KLF15: variants seen among roughly 807,000 people sequenced by gnomAD.
The protein encoded by KLF15 is KLF transcription factor 15, also known as Krueppel-like factor 15.
In KLF15, 4 loss-of-function variants were observed where a neutral mutation model predicts 24.6. That is an observed-to-expected ratio of 0.16 (90% CI 0.08 to 0.37). The LOEUF is 0.37. Among genes scored for constraint, KLF15 ranks in the 10% least tolerant of loss-of-function variants. KLF15 has a pLI of 1.00. For missense variants in KLF15, 496 were observed against 560.6 expected (o/e 0.88, Z 1.16); for synonymous variants, 246 against 236.3 (o/e 1.04, Z -0.37).
chr3:126,339,995 A>G (rs1187204862), downstream of KLF15, among the ~76,000 whole-genome samples: 1 of 152,118 alleles, frequency 6.6e-6, no homozygotes, highest in East Asian at 1.9e-4. Flanking sequence ...CTGGCTGCTG[A>G]TCCCACACTT....
At chr3:126,349,292 G>A (rs1162109682) in intron 2 of KLF15, among the ~76,000 whole-genome samples, 1 of 152,188 alleles carries the variant, frequency 6.6e-6, no homozygotes, top group Non-Finnish European at 1.5e-5. Context: ...ACCCACTCCA[G>A]GGGACCTTGG....
At chr3:126,352,991 T>C (rs1001365559) in intron 1 of KLF15, 44 bp from the exon 2 acceptor site, 1 of 1,526,660 alleles carries the variant, frequency 6.6e-7, no homozygotes, top group Admixed American at 2.1e-5. Context: ...AGGACAGTGC[T>C]CACCTGCCAC....
At chr3:126,341,270 A>G (rs2082477544), downstream of KLF15, among the ~76,000 whole-genome samples, 1 of 152,178 alleles carries the variant, frequency 6.6e-6, no homozygotes, top group African/African-American at 2.4e-5. Flanking sequence ...TCCCTGCCAC[A>G]AGACAACAGC....
the KLF15 span, among the ~76,000 whole-genome samples, chr3:126,299,066 A>AT: frequency 2.6e-5 from 4 of 152,074 alleles, no homozygotes; most frequent in Non-Finnish European, 5.9e-5. Flanking sequence ...CATTATAGTC[A>AT]TTTTCACAAT....
chr3:126,350,728 T>C (rs933768077), intron 2 of KLF15, among the ~76,000 whole-genome samples: 3 of 152,178 alleles, frequency 2.0e-5, no homozygotes, highest in African/African-American at 7.2e-5. Context: ...CAAACACATA[T>C]GGTCACACGG....
chr3:126,330,609 C>T, the KLF15 span, among the ~76,000 whole-genome samples: 5 of 151,572 alleles, frequency 3.3e-5, no homozygotes, highest in East Asian at 2.0e-4. Flanking sequence ...TGTGGGTCTT[C>T]TGGGTGCATG....
chr3:126,330,526 C>A, the KLF15 span, among the ~76,000 whole-genome samples: 1 of 145,450 alleles, frequency 6.9e-6, no homozygotes, highest in Non-Finnish European at 1.5e-5. Flanking sequence ...CCTTTCCTAT[C>A]CTTTCAGTCT....
rs2082592142 is a variant in KLF15 at position 126,352,439 on chromosome 3, C to T, written c.484G>A (p.Gly162Ser). The stretch of plus-strand genomic sequence containing the variant: ...CAGGCATCCAAGTCCTTGCTGTTGC[C>T]CTCAGGGACCTCCTTGACTCCAGGC... The part of the protein sequence containing the change: ...MEPGVKEVPE[G>S]NSKDLDACSQ... Residue 162 changes from glycine to serine, a missense_variant, in exon 2 of 3, where the codon GGC becomes AGC. Gly to Ser is a moderately conservative substitution (Grantham distance 56). This residue lies in a region of KLF15 where 399 missense variants were observed against 423.1 expected (regional missense o/e 0.94). Transcript: ENST00000296233. 3 of 1,613,508 alleles carry T rather than the reference C, an allele frequency of 1.9e-6. No homozygotes were observed. Among genetic ancestry groups the T allele is most frequent in the African/African-American group, 2.7e-5 (2 of 74,932 alleles).
the KLF15 span, among the ~76,000 whole-genome samples, chr3:126,323,427 A>AC: frequency 2.0e-3 from 84 of 42,348 alleles, 3 homozygotes; most frequent in African/African-American, 5.9e-3. Flanking sequence ...ATATATATAT[A>AC]TATATATAAC....
downstream of KLF15, among the ~76,000 whole-genome samples, chr3:126,338,702 TG>T (rs1270374400): frequency 6.6e-6 from 1 of 152,354 alleles, no homozygotes; most frequent in East Asian, 1.9e-4. Context: ...TAAACACATT[TG>T]CAATGATTTA....
the KLF15 span, among the ~76,000 whole-genome samples, chr3:126,323,100 T>C: frequency 1.3e-5 from 2 of 151,294 alleles, no homozygotes; most frequent in Non-Finnish European, 1.5e-5. Flanking sequence ...AACTTTTTAT[T>C]TGGAAAAAAT....
rs539049417 is a variant in KLF15 at position 126,345,539 on chromosome 3, G to A, written c.1083-1644C>T. ...CACACAAACATACACGGACGAATAT[G>A]TGCCCACACATACTCACACACACAC... On this transcript the variant is annotated intron_variant, in intron 2 of 2. Transcript: ENST00000296233. 5.0e-5 allele frequency among the ~76,000 whole-genome samples: 7 copies of A among 141,178 alleles called. 1 individual carries two copies. The South Asian group carries it at 1.4e-3, about 27-fold the overall frequency. The allele number at this position is 141,178 out of a possible 152,430, so 92.6% of individuals were successfully genotyped here.
intron 2 of KLF15, among the ~76,000 whole-genome samples, chr3:126,350,211 C>A (rs1279066866): frequency 6.6e-6 from 1 of 152,218 alleles, no homozygotes; most frequent in Non-Finnish European, 1.5e-5. Context: ...GCTCCTCTAA[C>A]CTCCTATGCA....
chr3:126,317,666 G>A, the KLF15 span, among the ~76,000 whole-genome samples: 1 of 152,150 alleles, frequency 6.6e-6, no homozygotes, highest in Admixed American at 6.5e-5. Flanking sequence ...CAGGGGAGAA[G>A]AGACACAACC....
Position 126,357,395 on chromosome 3 carries a change from T to TG in KLF15, c.-185dup. ...GATCGCCCGCCGGCCCGCGGGTCGC[T>TG]GCGGCGGAGCACTAGCCCGCCCGCA... On this transcript the variant is annotated 5_prime_UTR_variant, in exon 1 of 3. Transcript: ENST00000296233. The TG allele has an allele frequency of 6.8e-6, 1 of 146,974 alleles. No individual in the cohort carries two copies. Among genetic ancestry groups the TG allele is most frequent in the East Asian group, 2.0e-4 (1 of 4,998 alleles). The allele number at this position is 146,974 out of a possible 1,614,324, so 9.1% of individuals were successfully genotyped here.
At chr3:126,311,260 G>C in the KLF15 span, among the ~76,000 whole-genome samples, 1 of 152,178 alleles carries the variant, frequency 6.6e-6, no homozygotes, top group Admixed American at 6.5e-5. Context: ...TAAAGTCCAG[G>C]CCAAGAATTT....
At chr3:126,313,217 C>T in the KLF15 span, among the ~76,000 whole-genome samples, 5 of 152,240 alleles carry the variant, frequency 3.3e-5, no homozygotes, top group South Asian at 2.1e-4. Flanking sequence ...GGGGACACAG[C>T]GAAAAGGCGG....
chr3:126,346,730 C>T (rs2082538410), intron 2 of KLF15, among the ~76,000 whole-genome samples: 1 of 152,168 alleles, frequency 6.6e-6, no homozygotes, highest in Admixed American at 6.5e-5. Flanking sequence ...CCCTGCCTCA[C>T]CCCTGCATGC....
Position 126,343,667 on chromosome 3 carries a change from A to T in KLF15, c.*60T>A, listed in dbSNP as rs536639367. ...GGAGGAGGCAAATAAATTATTGCTT[A>T]AAAAAATGGGGATGGGGTGGGGATC... On this transcript the variant is annotated 3_prime_UTR_variant, in exon 3 of 3. Coordinates refer to ENST00000296233, the MANE Select transcript of KLF15 (RefSeq NM_014079.4). 3.7e-5 allele frequency: 56 copies of T among 1,506,478 alleles called. No individual in the cohort carries two copies. The East Asian group carries it at 8.2e-4, about 22-fold the overall frequency. 93.3% of individuals were successfully genotyped at this position (1,506,478 alleles called of 1,614,324 possible).
Sources: allele counts gnomAD v4.1 joint callset (sites outside exome capture counted in the v4.1 genomes callset), GRCh38; gene constraint gnomAD v4.1.1; regional missense constraint gnomAD v4.1.1; transcripts MANE v1.5; gene names NCBI Gene and HGNC (gene_info 2026-07-23, HGNC 2026-07-21).